The following SMYD3 variants were observed in gnomAD, a reference collection of about 807,000 sequenced individuals.
SMYD3 encodes SET and MYND domain containing 3, also known as histone-lysine N-methyltransferase SMYD3.
A neutral mutation model predicts 57.7 loss-of-function variants in SMYD3; 36 were observed. The ratio of observed to expected loss-of-function variants is 0.62; its 90% confidence interval spans 0.48 to 0.82. The LOEUF (loss-of-function observed/expected upper bound fraction) is 0.82. Among genes scored for constraint, SMYD3 ranks in the 40% least tolerant of loss-of-function variants. The pLI, the probability that SMYD3 is intolerant of heterozygous loss-of-function variation, is 0.00. For synonymous variants in SMYD3, 211 were observed against 195.0 expected (o/e 1.08, Z -0.68); for missense variants, 515 against 538.8 (o/e 0.96, Z 0.44).
At chr1:246,100,690 A>G (rs561997425) in intron 5 of SMYD3, among the ~76,000 whole-genome samples, 1 of 152,188 alleles carries the variant, frequency 6.6e-6, no homozygotes, top group East Asian at 1.9e-4. Flanking sequence ...TTGCACTTTT[A>G]TTTTTTATAT....
chr1:246,448,689 C>A (rs2067583727), intron 1 of SMYD3, among the ~76,000 whole-genome samples: 3 of 106,022 alleles, frequency 2.8e-5, no homozygotes, highest in East Asian at 2.7e-4. Context: ...ACAGCAAGAT[C>A]TCATCTCTTT....
chr1:246,039,470 G>A (rs2059831631), intron 5 of SMYD3, among the ~76,000 whole-genome samples: 1 of 152,180 alleles, frequency 6.6e-6, no homozygotes, highest in South Asian at 2.1e-4. Flanking sequence ...TGGGGAATAA[G>A]AAAGACACAG....
At chr1:246,466,895 C>G (rs2067890308) in intron 1 of SMYD3, among the ~76,000 whole-genome samples, 1 of 151,864 alleles carries the variant, frequency 6.6e-6, no homozygotes, top group African/African-American at 2.4e-5. Context: ...ATGCTGGGCG[C>G]AGTGGCTCAC....
intron 5 of SMYD3, among the ~76,000 whole-genome samples, chr1:246,309,308 T>C (rs2065036248): frequency 6.6e-6 from 1 of 152,120 alleles, no homozygotes; most frequent in South Asian, 2.1e-4. Flanking sequence ...AAATATAAAA[T>C]ACATGCAGAC....
At chr1:246,139,955 A>G (rs1361244105) in intron 5 of SMYD3, among the ~76,000 whole-genome samples, 1 of 152,158 alleles carries the variant, frequency 6.6e-6, no homozygotes, top group East Asian at 1.9e-4. Context: ...TGAATCACCC[A>G]TATTTCACTC....
At chr1:246,270,686 A>ATATG (rs2064203696) in intron 5 of SMYD3, among the ~76,000 whole-genome samples, 1 of 152,182 alleles carries the variant, frequency 6.6e-6, no homozygotes, top group Non-Finnish European at 1.5e-5. Flanking sequence ...ACATTTTATG[A>ATATG]TATGTATGTA....
At chr1:246,456,731 T>C (rs970579863) in intron 1 of SMYD3, among the ~76,000 whole-genome samples, 2 of 152,230 alleles carry the variant, frequency 1.3e-5, no homozygotes, top group Non-Finnish European at 2.9e-5. Context: ...AGGTGAGTGA[T>C]AGCCAAAATC....
intron 11 of SMYD3, among the ~76,000 whole-genome samples, chr1:245,761,350 C>A (rs1172017119): frequency 3.9e-5 from 6 of 152,166 alleles, no homozygotes; most frequent in Non-Finnish European, 7.3e-5. Context: ...GGCAGCAGAA[C>A]AGACCTGGGC....
intron 5 of SMYD3, among the ~76,000 whole-genome samples, chr1:246,131,545 C>A (rs1327882035): frequency 6.6e-6 from 1 of 152,178 alleles, no homozygotes; most frequent in Non-Finnish European, 1.5e-5. Flanking sequence ...TCATAGTCAA[C>A]CCAAAATGAT....
intron 1 of SMYD3, among the ~76,000 whole-genome samples, chr1:246,493,343 C>G (rs1219973151): frequency 6.6e-6 from 1 of 152,026 alleles, no homozygotes; most frequent in Non-Finnish European, 1.5e-5. Context: ...TAGGAGGAGG[C>G]AGCTGTAGCA....
chr1:246,240,557 T>C (rs1385203945), intron 5 of SMYD3, among the ~76,000 whole-genome samples: 1 of 151,504 alleles, frequency 6.6e-6, no homozygotes, highest in Non-Finnish European at 1.5e-5. Flanking sequence ...TGGCTTAGGA[T>C]TGTCTTGGCA....
intron 5 of SMYD3, among the ~76,000 whole-genome samples, chr1:246,092,158 T>G (rs1002830437): frequency 1.3e-5 from 2 of 152,200 alleles, no homozygotes; most frequent in Non-Finnish European, 2.9e-5. Context: ...AAAATCTGAT[T>G]AATTATAAGG....
rs191179048 is a variant in SMYD3, at chr1:245,807,625, G to T, written c.1077-43476C>A. ...ACGGCCTTGCATTCATGGACTGGTA[G>T]TTACTTCCTGGTTTCTAAGAAACCA... On this transcript the variant is annotated intron_variant, in intron 10 of 11. Coordinates refer to ENST00000490107, the MANE Select transcript of SMYD3 (RefSeq NM_001167740.2). Among the ~76,000 whole-genome samples the T allele has an allele frequency of 4.8e-4, 73 of 152,118 alleles. 4 individuals are homozygous for T. Among genetic ancestry groups the T allele is most frequent in the Non-Finnish European group, 5.9e-5 (4 of 68,018 alleles).
intron 1 of SMYD3, among the ~76,000 whole-genome samples, chr1:246,407,253 C>T (rs1027300531): frequency 4.6e-5 from 7 of 152,156 alleles, no homozygotes; most frequent in Admixed American, 3.9e-4. Flanking sequence ...TCATATTGTT[C>T]TAGTGTATTT....
chr1:246,000,696 G>A (rs1283944883), intron 5 of SMYD3, among the ~76,000 whole-genome samples: 1 of 152,130 alleles, frequency 6.6e-6, no homozygotes, highest in African/African-American at 2.4e-5. Flanking sequence ...TTTCCAGGGC[G>A]CTCACTAATC....
At chr1:246,181,633 G>A (rs535893842) in intron 5 of SMYD3, among the ~76,000 whole-genome samples, 2 of 152,256 alleles carry the variant, frequency 1.3e-5, no homozygotes, top group African/African-American at 4.8e-5. Context: ...AACTTGTATG[G>A]TTTTATTTAT....
At chr1:246,069,054 A>C (rs2060398325) in intron 5 of SMYD3, among the ~76,000 whole-genome samples, 2 of 152,186 alleles carry the variant, frequency 1.3e-5, no homozygotes, top group South Asian at 4.1e-4. Flanking sequence ...AACATGACAA[A>C]GGCGACCAAC....
chr1:245,831,419 G>A (rs919995768), intron 10 of SMYD3, among the ~76,000 whole-genome samples: 10 of 152,140 alleles, frequency 6.6e-5, no homozygotes, highest in African/African-American at 2.2e-4. Flanking sequence ...TGAATATTTC[G>A]GGGTAAACCA....
At chr1:246,180,480 G>A (rs1001774043) in intron 5 of SMYD3, among the ~76,000 whole-genome samples, 6 of 149,850 alleles carry the variant, frequency 4.0e-5, no homozygotes, top group African/African-American at 9.8e-5. Context: ...GGGTTAGGCC[G>A]GGTGTGGTGG....
Sources: gnomAD v4.1 joint callset for allele counts (sites outside exome capture counted in the v4.1 genomes callset) on GRCh38, gnomAD v4.1.1 for gene constraint, MANE v1.5 for transcripts, NCBI Gene and HGNC (gene_info 2026-07-23, HGNC 2026-07-21) for gene names.